The following GPR158 variants were observed in gnomAD, a reference collection of about 807,000 sequenced individuals.
The protein encoded by GPR158 is G protein-coupled receptor 158.
Under a neutral mutation model 78.2 loss-of-function variants are expected in GPR158, and 30 were observed. That is an observed-to-expected ratio of 0.38 (90% CI 0.29 to 0.52). The LOEUF (loss-of-function observed/expected upper bound fraction) is 0.52. GPR158 is among the 20% of genes least tolerant of loss of function. The probability of loss-of-function intolerance (pLI) is 0.83; values close to 1 mark genes in which losing one functional copy is unlikely to be tolerated. For missense variants in GPR158, 1,463 were observed against 1,523.5 expected, an observed-to-expected ratio of 0.96 and a Z score of 0.66; for synonymous variants, 581 against 591.1, an observed-to-expected ratio of 0.98 and a Z score of 0.25.
chr10:25,436,431 A>G (rs192630731), intron 4 of GPR158, among the ~76,000 whole-genome samples: 61 of 152,342 alleles, frequency 4.0e-4, no homozygotes, highest in African/African-American at 1.4e-3. Flanking sequence ...AGCTGCAAGA[A>G]TGAATGAGAC....
At chr10:25,444,127 A>G (rs1016587483) in intron 4 of GPR158, among the ~76,000 whole-genome samples, 1 of 150,500 alleles carries the variant, frequency 6.6e-6, no homozygotes, top group Non-Finnish European at 1.5e-5. Context: ...GGGGGGAAAA[A>G]TTACTCCTGG....
chr10:25,272,315 C>G (rs575697850), intron 2 of GPR158, among the ~76,000 whole-genome samples: 1 of 152,250 alleles, frequency 6.6e-6, no homozygotes, highest in Non-Finnish European at 1.5e-5. Flanking sequence ...TCTCTTGTCT[C>G]ACATTTTCTT....
At chr10:25,548,525 A>G (rs937691958) in intron 5 of GPR158, among the ~76,000 whole-genome samples, 2 of 152,216 alleles carry the variant, frequency 1.3e-5, no homozygotes, top group Non-Finnish European at 2.9e-5. Flanking sequence ...AAGCTTCAAT[A>G]TATTTCCAAG....
intron 4 of GPR158, among the ~76,000 whole-genome samples, chr10:25,452,653 G>T (rs58697395): frequency 6.6e-6 from 1 of 152,066 alleles, no homozygotes; most frequent in South Asian, 2.1e-4. Context: ...AGGCACAGAC[G>T]TGTGGTAATT....
intron 2 of GPR158, chr10:25,393,483 C>T (rs1310411885): frequency 5.3e-5 from 8 of 152,146 alleles, no homozygotes; most frequent in South Asian, 2.1e-4. Context: ...CGTAGTGTCG[C>T]GACGTCGTAA....
At chr10:25,502,378 G>A (rs1300654822) in intron 5 of GPR158, among the ~76,000 whole-genome samples, 1 of 152,046 alleles carries the variant, frequency 6.6e-6, no homozygotes, top group Non-Finnish European at 1.5e-5. Flanking sequence ...TCCTGTACAC[G>A]GTGAACTGAG....
chr10:25,419,267 CTT>C (rs1834712558), intron 4 of GPR158, among the ~76,000 whole-genome samples: 1 of 152,054 alleles, frequency 6.6e-6, no homozygotes, highest in South Asian at 2.1e-4. Flanking sequence ...TTGTATCTGA[CTT>C]ATTTTATTTA....
At chr10:25,253,226 T>G (rs996289506) in intron 2 of GPR158, among the ~76,000 whole-genome samples, 9 of 152,228 alleles carry the variant, frequency 5.9e-5, no homozygotes, top group African/African-American at 2.2e-4. Context: ...CACTCCCTAG[T>G]GAGATGAACC....
At chr10:25,281,170 C>CA (rs1255473739) in intron 2 of GPR158, among the ~76,000 whole-genome samples, 2 of 146,160 alleles carry the variant, frequency 1.4e-5, no homozygotes, top group Non-Finnish European at 3.0e-5. Flanking sequence ...TCAGTTAATA[C>CA]AAAAAAGAAT....
At chr10:25,473,541 T>G (rs2130626726) in intron 5 of GPR158, among the ~76,000 whole-genome samples, 1 of 152,270 alleles carries the variant, frequency 6.6e-6, no homozygotes, top group Non-Finnish European at 1.5e-5. Flanking sequence ...TCCCAGCTCC[T>G]CCTTGTACCT....
intron 1 of GPR158, among the ~76,000 whole-genome samples, chr10:25,205,766 CTT>C (rs1222796065): frequency 2.6e-5 from 4 of 151,496 alleles, no homozygotes; most frequent in African/African-American, 4.8e-5. Flanking sequence ...ATTAATTTCT[CTT>C]TTTCTATTGC....
chr10:25,284,485 GTCTTTA>G lies in GPR158; in HGVS notation c.1008+63335_1008+63340del, dbSNP rs375867114. ...TGTTGGAATAATATTTTTTTTCTGT[GTCTTTA>G]TCTTTAACATATCTATGTTTTTATG... On this transcript the variant is annotated intron_variant, in intron 2 of 10. Coordinates refer to ENST00000376351, the MANE Select transcript of GPR158 (RefSeq NM_020752.3). Among the ~76,000 whole-genome samples the G allele has an allele frequency of 1.5e-3, 225 of 150,868 alleles. 1 individual carries two copies. Among genetic ancestry groups the G allele is most frequent in the Middle Eastern group, 0.014 (4 of 280 alleles).
At chr10:25,367,311 T>C (rs2130542907) in intron 2 of GPR158, among the ~76,000 whole-genome samples, 1 of 151,828 alleles carries the variant, frequency 6.6e-6, no homozygotes, top group South Asian at 2.1e-4. Context: ...TGGATTTTTT[T>C]TTCTCTAGAC....
chr10:25,252,637 G>A (rs1473308601), intron 2 of GPR158, among the ~76,000 whole-genome samples: 6 of 151,970 alleles, frequency 3.9e-5, no homozygotes, highest in Admixed American at 3.3e-4. Flanking sequence ...GGGGTCAGGG[G>A]TCAGGGACCC....
At chr10:25,582,409 G>C (rs928553099) in intron 7 of GPR158, among the ~76,000 whole-genome samples, 1 of 152,098 alleles carries the variant, frequency 6.6e-6, no homozygotes, top group African/African-American at 2.4e-5. Context: ...AGAGAGAACA[G>C]TATAGTCTCC....
intron 2 of GPR158, among the ~76,000 whole-genome samples, chr10:25,326,343 T>C (rs1158254949): frequency 1.4e-5 from 2 of 146,516 alleles, no homozygotes; most frequent in African/African-American, 5.1e-5. Context: ...ATTTTCTTTA[T>C]GTAGTCTATC....
chr10:25,585,716 C>T (rs771942787), intron 7 of GPR158, among the ~76,000 whole-genome samples: 8 of 152,138 alleles, frequency 5.3e-5, no homozygotes, highest in Admixed American at 1.3e-4. Context: ...TGGTGGCTCA[C>T]GCCTGTAATC....
At chr10:25,533,619 T>C (rs1400868848) in intron 5 of GPR158, among the ~76,000 whole-genome samples, 1 of 152,236 alleles carries the variant, frequency 6.6e-6, no homozygotes, top group Non-Finnish European at 1.5e-5. Flanking sequence ...ATTTCATTTA[T>C]TTTCCTTGGA....
At chr10:25,383,755 A>G (rs930914777) in intron 2 of GPR158, among the ~76,000 whole-genome samples, 16 of 150,256 alleles carry the variant, frequency 1.1e-4, no homozygotes, top group African/African-American at 3.7e-4. Context: ...AGAAGAATAG[A>G]AAAAAAAAAG....
Sources: gnomAD v4.1 joint callset for allele counts (sites outside exome capture counted in the v4.1 genomes callset) on GRCh38, gnomAD v4.1.1 for gene constraint, MANE v1.5 for transcripts, NCBI Gene and HGNC (gene_info 2026-07-23, HGNC 2026-07-21) for gene names.